CNBD1: variants seen among roughly 807,000 people sequenced by gnomAD.
The protein encoded by CNBD1 is cyclic nucleotide-binding domain-containing protein 1.
CNBD1 carries 71 observed loss-of-function variants against 54.4 expected under a neutral mutation model. The ratio of observed to expected loss-of-function variants is 1.30; its 90% CI spans 1.08 to 1.59. The LOEUF is 1.59. Among genes scored for constraint, CNBD1 ranks in the 40% most tolerant of loss-of-function variants. The pLI is 0.00. For missense variants in CNBD1, 659 were observed against 518.0 expected (o/e 1.27, Z -2.64); for synonymous variants, 182 against 170.7 (o/e 1.07, Z -0.51).
rs959772108 is a variant in CNBD1 at position 87,268,325 on chromosome 8, TACC to T, written c.772-16350_772-16348del. 7.9e-5 allele frequency among the ~76,000 whole-genome samples: 12 copies of T among 152,308 alleles called. No homozygotes were observed. The East Asian group carries it at 1.5e-3, about 20-fold the overall frequency. On this transcript the variant is annotated intron_variant, in intron 6 of 10. Transcript: ENST00000518476. ...TTTGTGTTAGTTCATGGTGTATATGTACCACATTTTCTTTATCCAGTCCACCAT... is the reference window on the plus strand; with the variant it reads ...TTTGTGTTAGTTCATGGTGTATATGTACATTTTCTTTATCCAGTCCACCAT...
At chr8:87,079,491 G>T (rs1205573888) in intron 4 of CNBD1, among the ~76,000 whole-genome samples, 2 of 151,984 alleles carry the variant, frequency 1.3e-5, no homozygotes, top group Non-Finnish European at 1.5e-5. Context: ...AGTATTGTCA[G>T]TCTTTTTAAT....
At chr8:87,300,150 T>C (rs1178351773) in intron 8 of CNBD1, among the ~76,000 whole-genome samples, 1 of 152,178 alleles carries the variant, frequency 6.6e-6, no homozygotes, top group Non-Finnish European at 1.5e-5. Flanking sequence ...ATAAATATGA[T>C]ATCAAAACTC....
At chr8:87,296,792 T>C (rs1808884373) in intron 8 of CNBD1, among the ~76,000 whole-genome samples, 1 of 152,048 alleles carries the variant, frequency 6.6e-6, no homozygotes, top group Non-Finnish European at 1.5e-5. Context: ...TAATAATATA[T>C]GGTTTGAGGA....
intron 4 of CNBD1, among the ~76,000 whole-genome samples, chr8:87,113,827 G>A (rs922932045): frequency 9.2e-5 from 14 of 152,052 alleles, no homozygotes; most frequent in African/African-American, 2.9e-4. Flanking sequence ...GCTGAGGCAG[G>A]AGAATGGCGT....
chr8:87,062,020 A>G (rs1810558202), intron 4 of CNBD1, among the ~76,000 whole-genome samples: 2 of 152,338 alleles, frequency 1.3e-5, no homozygotes, highest in East Asian at 1.9e-4. Context: ...GAGTACTCTC[A>G]TTAGTGACAT....
chr8:87,256,040 T>A (rs1808017973), intron 6 of CNBD1, among the ~76,000 whole-genome samples: 3 of 82,344 alleles, frequency 3.6e-5, no homozygotes, highest in Non-Finnish European at 5.1e-5. Context: ...TTTTTTTTTT[T>A]GAGACAGGGT....
At chr8:87,297,092 G>A (rs941370767) in intron 8 of CNBD1, among the ~76,000 whole-genome samples, 1 of 149,828 alleles carries the variant, frequency 6.7e-6, no homozygotes, top group Non-Finnish European at 1.5e-5. Flanking sequence ...GCAGGAGAAT[G>A]GCGTGAACCA....
rs557577938 is a variant in CNBD1, at chr8:86,885,067, T to C, written c.89-2475T>C. The stretch of plus-strand genomic sequence containing the variant: ...TCTAAGCCTTCACTTATTCTATTGC[T>C]TCCTCTTAGCTTTTTGCAAAGGGTA... On this transcript the variant is annotated intron_variant, in intron 1 of 10. Transcript: ENST00000518476. Among the ~76,000 whole-genome samples, 23 of 152,338 alleles carry C rather than the reference T, an allele frequency of 1.5e-4. No homozygotes were observed. The East Asian group carries it at 4.2e-3, about 28-fold the overall frequency.
At chr8:87,261,389 G>C (rs28642847) in intron 6 of CNBD1, among the ~76,000 whole-genome samples, 1 of 151,788 alleles carries the variant, frequency 6.6e-6, no homozygotes, top group East Asian at 1.9e-4. Flanking sequence ...CCATCTGTTA[G>C]AAGAAAAACT....
intron 3 of CNBD1, among the ~76,000 whole-genome samples, chr8:86,926,957 A>G (rs1809371507): frequency 6.6e-6 from 1 of 152,112 alleles, no homozygotes; most frequent in African/African-American, 2.4e-5. Context: ...GGGCACTGAT[A>G]GGGTCTGATT....
At chr8:87,250,757 G>C (rs971021045) in intron 6 of CNBD1, among the ~76,000 whole-genome samples, 2 of 152,140 alleles carry the variant, frequency 1.3e-5, no homozygotes, top group African/African-American at 4.8e-5. Context: ...ACTCAAATGT[G>C]GGAGCTTAAG....
intron 4 of CNBD1, among the ~76,000 whole-genome samples, chr8:87,152,765 T>A (rs1176149637): frequency 6.6e-6 from 1 of 152,152 alleles, no homozygotes; most frequent in Admixed American, 6.5e-5. Context: ...TAGTAAAAAT[T>A]TATCAGTTTT....
chr8:87,261,200 A>G (rs1361954359), intron 6 of CNBD1, among the ~76,000 whole-genome samples: 3 of 152,072 alleles, frequency 2.0e-5, no homozygotes, highest in Non-Finnish European at 4.4e-5. Context: ...AATGTGCTCA[A>G]AGAAACTCAG....
rs759538922 is a variant in CNBD1, at chr8:86,887,647, A to G, written c.158+36A>G. 4 of 1,388,778 alleles carry G rather than the reference A, an allele frequency of 2.9e-6. No homozygotes were observed. The African/African-American group carries it at 5.7e-5, about 20-fold the overall frequency. 86.0% of individuals were successfully genotyped at this position (1,388,778 alleles called of 1,614,324 possible). A position where few individuals can be genotyped will look rare whatever the true frequency, so the allele number is the denominator to read the frequency against. Reference sequence around the variant, plus strand: ...CATGCATTTCTTTTTCTGTCATTCAAATGAATATGAGTATTTTTGTTTTAG... The same window carrying G: ...CATGCATTTCTTTTTCTGTCATTCAGATGAATATGAGTATTTTTGTTTTAG... On this transcript the variant is annotated intron_variant, in intron 2 of 10. Coordinates refer to ENST00000518476, the MANE Select transcript of CNBD1 (RefSeq NM_173538.3).
chr8:87,175,578 C>T (rs754512709), intron 4 of CNBD1, among the ~76,000 whole-genome samples: 7 of 152,272 alleles, frequency 4.6e-5, no homozygotes, highest in East Asian at 1.9e-4. Flanking sequence ...TGTAGCTCTG[C>T]CCCCTGAGTG....
intron 6 of CNBD1, among the ~76,000 whole-genome samples, chr8:87,255,691 G>A (rs1395719355): frequency 6.6e-6 from 1 of 151,548 alleles, no homozygotes; most frequent in Non-Finnish European, 1.5e-5. Flanking sequence ...TGAGTCAGCT[G>A]ACACATTAGA....
intron 5 of CNBD1, among the ~76,000 whole-genome samples, chr8:87,235,357 G>A (rs974523170): frequency 1.3e-5 from 2 of 152,024 alleles, no homozygotes; most frequent in South Asian, 2.1e-4. Flanking sequence ...ATCTTTCAAC[G>A]AGCCTTCCTT....
chr8:87,231,740 A>G (rs1807441177), intron 5 of CNBD1, among the ~76,000 whole-genome samples: 1 of 152,130 alleles, frequency 6.6e-6, no homozygotes, highest in South Asian at 2.1e-4. Flanking sequence ...TGTATCTAGG[A>G]TTCAATATTT....
intron 3 of CNBD1, among the ~76,000 whole-genome samples, chr8:86,936,634 T>C (rs1166209229): frequency 6.6e-6 from 1 of 151,256 alleles, no homozygotes; most frequent in African/African-American, 2.4e-5. Context: ...TCCCAGCTAC[T>C]CAGGAGGCTG....
Sources: allele counts gnomAD v4.1 joint callset (sites outside exome capture counted in the v4.1 genomes callset), GRCh38; gene constraint gnomAD v4.1.1; transcripts MANE v1.5; gene names NCBI Gene and HGNC (gene_info 2026-07-23, HGNC 2026-07-21).